Variants in WNK2 observed in about 807,000 individuals in gnomAD.
The protein encoded by WNK2 is serine/threonine-protein kinase WNK2.
WNK2 carries 67 observed loss-of-function variants against 192.1 expected under a neutral mutation model. That is an observed-to-expected ratio of 0.35 (90% CI 0.29 to 0.43). WNK2 has a LOEUF of 0.43. Among genes scored for constraint, WNK2 ranks in the 20% least tolerant of loss-of-function variants. The pLI is 1.00. For missense variants in WNK2, 2,698 were observed against 3,089.7 expected (o/e 0.87, Z 3.01); for synonymous variants, 1,439 against 1,393.9 (o/e 1.03, Z -0.72).
At chr9:93,305,992 T>C (rs139137655) in intron 26 of WNK2, among the ~76,000 whole-genome samples, 10 of 151,952 alleles carry the variant, frequency 6.6e-5, no homozygotes, top group Non-Finnish European at 1.5e-4. Context: ...CCTGGGGACC[T>C]TGTCCCCACC....
chr9:93,185,149 CG>C lies in WNK2; in HGVS notation c.223del (p.Val75CysfsTer28). On this transcript the variant is annotated frameshift_variant, in exon 2 of 30. Coordinates refer to ENST00000427277, the MANE Select transcript of WNK2 (RefSeq NM_006648.4). LOFTEE classifies it high-confidence loss of function. The stretch of plus-strand genomic sequence containing the variant: ...GCAGCCCCCGCAGCCCCTGCAGCGC[CG>C]GGTGCTTCTGCTCTGCAAGACGCGC... ...GPQPPQPLQR[R>X]VLLLCKTRRL... 1 of 1,293,346 alleles carries C rather than the reference CG, an allele frequency of 7.7e-7. No homozygotes were observed. Among genetic ancestry groups the C allele is most frequent in the South Asian group, 1.9e-5 (1 of 51,374 alleles). 80.1% of individuals were successfully genotyped at this position (1,293,346 alleles called of 1,614,324 possible).
chr9:93,212,570 G>A (rs1834989628), intron 2 of WNK2, among the ~76,000 whole-genome samples: 1 of 152,214 alleles, frequency 6.6e-6, no homozygotes, highest in Non-Finnish European at 1.5e-5. Flanking sequence ...TGGGGAGGCA[G>A]CCACAGTCAG....
intron 18 of WNK2, 70 bp downstream of exon 18, chr9:93,268,135 A>T: frequency 6.5e-7 from 1 of 1,546,174 alleles, no homozygotes; most frequent in East Asian, 2.4e-5. Flanking sequence ...GCATATTACC[A>T]GGGGTTTGGC....
chr9:93,251,504 G>A (rs1267750397), intron 8 of WNK2, among the ~76,000 whole-genome samples: 1 of 152,134 alleles, frequency 6.6e-6, no homozygotes, highest in Admixed American at 6.5e-5. Context: ...GAGCCCAGGG[G>A]TTCGAGACCA....
chr9:93,260,567 G>GC (rs1844060801), intron 12 of WNK2, among the ~76,000 whole-genome samples: 1 of 152,142 alleles, frequency 6.6e-6, no homozygotes, highest in Non-Finnish European at 1.5e-5. Flanking sequence ...GGTGCCAGGT[G>GC]CCCCCCAGCT....
chr9:93,239,718 G>T lies in WNK2; in HGVS notation c.1323-39G>T, dbSNP rs1444526467. On this transcript the variant is annotated intron_variant, in intron 6 of 29. Transcript: ENST00000427277. This position sits in a 1 kb window ranked among gnomAD's most constrained non-coding sequence, Gnocchi z 4.2. ...ACAGGAGCCTGGGCATGGAGGCCCT[G>T]GCGCCCGTGCCCCTGCCTGTCAGCT... 1.3e-6 allele frequency: 2 copies of T among 1,528,786 alleles called. No homozygotes were observed. Among genetic ancestry groups the T allele is most frequent in the African/African-American group, 2.8e-5 (2 of 72,554 alleles). The allele number at this position is 1,528,786 out of a possible 1,614,324, so 94.7% of individuals were successfully genotyped here. A position where few individuals can be genotyped will look rare whatever the true frequency, so the allele number is the denominator to read the frequency against.
intron 2 of WNK2, among the ~76,000 whole-genome samples, chr9:93,206,317 C>T (rs565126626): frequency 1.3e-5 from 2 of 152,306 alleles, no homozygotes; most frequent in African/African-American, 4.8e-5. Context: ...CCAAGGGTCG[C>T]CTGCAGTGAC....
At chr9:93,303,016 T>C (rs1264421174) in intron 26 of WNK2, among the ~76,000 whole-genome samples, 1 of 152,020 alleles carries the variant, frequency 6.6e-6, no homozygotes, top group Non-Finnish European at 1.5e-5. Flanking sequence ...CTTCCCTGAC[T>C]CAAGCAATCT....
rs556947933 is a variant in WNK2 at position 93,262,771 on chromosome 9, G to A, written c.3410+52G>A. ...AGGACGGGTGTAGGGGCGCAGGCCT[G>A]TACAGCCACTCAGCCTGGCTCCTGC... On this transcript the variant is annotated intron_variant, in intron 14 of 29. Coordinates refer to ENST00000427277, the MANE Select transcript of WNK2 (RefSeq NM_006648.4). The A allele has an allele frequency of 1.6e-4, 259 of 1,584,214 alleles. No individual in the cohort carries two copies. The African/African-American group carries it at 2.1e-3, about 13-fold the overall frequency.
intron 7 of WNK2, among the ~76,000 whole-genome samples, chr9:93,245,227 C>T (rs556068651): frequency 7.6e-4 from 115 of 152,198 alleles, no homozygotes; most frequent in Non-Finnish European, 1.5e-3. Context: ...GACCTGATTC[C>T]CCTGAAGCCC....
At position 93,228,183 on chromosome 9, in the gene WNK2, G is replaced by A. The variant is rs1002700696; in HGVS notation, c.682-1513G>A. ...GCACAGTCCCACACTGCAATGAAGG[G>A]GCCCATGAGGGTGTGTGCTGTGGGG... On this transcript the variant is annotated intron_variant, in intron 2 of 29. Transcript: ENST00000427277. Among the ~76,000 whole-genome samples, 6 of 152,282 alleles carry A rather than the reference G, an allele frequency of 3.9e-5. No individual in the cohort carries two copies. The East Asian group carries it at 9.6e-4, about 24-fold the overall frequency.
At chr9:93,228,525 T>G (rs1351587189) in intron 2 of WNK2, among the ~76,000 whole-genome samples, 1 of 152,236 alleles carries the variant, frequency 6.6e-6, no homozygotes, top group East Asian at 1.9e-4. Context: ...GTTTCTTTTC[T>G]GACATTCCCA....
intron 2 of WNK2, among the ~76,000 whole-genome samples, chr9:93,207,465 T>C (rs1258843452): frequency 6.6e-6 from 1 of 152,200 alleles, no homozygotes; most frequent in Non-Finnish European, 1.5e-5. Flanking sequence ...AGGTGTCCAG[T>C]GCACGCCCAG....
At chr9:93,202,687 G>A (rs938655386) in intron 2 of WNK2, among the ~76,000 whole-genome samples, 67 of 152,076 alleles carry the variant, frequency 4.4e-4, no homozygotes, top group Middle Eastern at 3.4e-3. Context: ...AATCAGGAGG[G>A]TTGGAAAGGC....
At chr9:93,298,538 C>T (rs960229545) in intron 24 of WNK2, among the ~76,000 whole-genome samples, 4 of 152,154 alleles carry the variant, frequency 2.6e-5, no homozygotes, top group African/African-American at 9.7e-5. Context: ...ACTGGCCTGG[C>T]CCCAGGCAGC....
At chr9:93,301,011 A>G (rs542611789) in intron 26 of WNK2, among the ~76,000 whole-genome samples, 2 of 152,290 alleles carry the variant, frequency 1.3e-5, no homozygotes, top group East Asian at 1.9e-4. Context: ...GATGAAGTCA[A>G]TGACGCAGTT....
chr9:93,304,717 C>A (rs1852199983), intron 26 of WNK2, among the ~76,000 whole-genome samples: 1 of 152,216 alleles, frequency 6.6e-6, no homozygotes, highest in Non-Finnish European at 1.5e-5. Flanking sequence ...GGCCGAGGCT[C>A]TGGAGAGGTG....
intron 7 of WNK2, among the ~76,000 whole-genome samples, chr9:93,242,588 C>T (rs1350545271): frequency 1.3e-5 from 2 of 152,240 alleles, no homozygotes; most frequent in African/African-American, 4.8e-5. Flanking sequence ...GAGTGAGATG[C>T]TGCATAGGCT....
chr9:93,309,093 C>T lies in WNK2; in HGVS notation c.6516+509C>T, dbSNP rs554916481. ...ACACCTAACTTGTTTGATGTCAGCGCGAGTTGGAGAAGCATCTGCTGTTTT... is the reference window on the plus strand; with the variant it reads ...ACACCTAACTTGTTTGATGTCAGCGTGAGTTGGAGAAGCATCTGCTGTTTT... On this transcript the variant is annotated intron_variant, in intron 28 of 29. Transcript: ENST00000427277. The T allele has an allele frequency of 1.2e-4, 118 of 987,290 alleles. No homozygotes were observed. The East Asian group carries it at 1.6e-3, about 13-fold the overall frequency. The allele number at this position is 987,290 out of a possible 1,614,324, so 61.2% of individuals were successfully genotyped here.
Sources: allele counts gnomAD v4.1 joint callset (sites outside exome capture counted in the v4.1 genomes callset), GRCh38; gene constraint gnomAD v4.1.1; non-coding constraint Gnocchi (gnomAD v3.1); transcripts MANE v1.5; gene names NCBI Gene and HGNC (gene_info 2026-07-23, HGNC 2026-07-21).